The following MGAT4C variants were observed in gnomAD, a reference collection of about 807,000 sequenced individuals.
MGAT4C encodes MGAT4 family member C.
MGAT4C carries 19 observed loss-of-function variants against 40.1 expected under a neutral mutation model. The observed-to-expected ratio is 0.47, with a 90% CI of 0.33 to 0.70. The LOEUF (loss-of-function observed/expected upper bound fraction) is 0.70. Among genes scored for constraint, MGAT4C ranks in the 30% least tolerant of loss-of-function variants. The pLI is 0.02. For synonymous variants in MGAT4C, 181 were observed against 187.1 expected, an observed-to-expected ratio of 0.97 and a Z score of 0.27; for missense variants, 491 against 563.2, an observed-to-expected ratio of 0.87 and a Z score of 1.30.
At chr12:86,415,399 T>C (rs1956688486) in intron 3 of MGAT4C, among the ~76,000 whole-genome samples, 1 of 151,780 alleles carries the variant, frequency 6.6e-6, no homozygotes. Context: ...ATGGTACCTG[T>C]AAGAGGAGGG....
intron 3 of MGAT4C, among the ~76,000 whole-genome samples, chr12:86,405,227 G>T (rs552388053): frequency 2.6e-5 from 4 of 152,072 alleles, no homozygotes; most frequent in African/African-American, 9.6e-5. Context: ...CTTGAAGATG[G>T]CATGTTTATC....
chr12:86,119,161 GTAA>G (rs900839333), intron 1 of MGAT4C, among the ~76,000 whole-genome samples: 1 of 151,876 alleles, frequency 6.6e-6, no homozygotes, highest in Non-Finnish European at 1.5e-5. Flanking sequence ...TAAAAATTAA[GTAA>G]TAATTTTTAA....
intron 2 of MGAT4C, among the ~76,000 whole-genome samples, chr12:86,612,520 C>G (rs559808398): frequency 2.0e-5 from 3 of 151,996 alleles, no homozygotes; most frequent in Non-Finnish European, 4.4e-5. Flanking sequence ...GAGGCCAAGG[C>G]AAGCAGATCA....
chr12:86,601,587 C>T (rs2136460278), intron 2 of MGAT4C, among the ~76,000 whole-genome samples: 1 of 152,202 alleles, frequency 6.6e-6, no homozygotes, highest in Non-Finnish European at 1.5e-5. Flanking sequence ...CTCATTTTTC[C>T]TGAAGCAGGC....
At chr12:86,324,176 C>T (rs1344909186) in intron 4 of MGAT4C, among the ~76,000 whole-genome samples, 1 of 151,826 alleles carries the variant, frequency 6.6e-6, no homozygotes, top group Non-Finnish European at 1.5e-5. Context: ...ATTTCTTATT[C>T]TATGGTTATG....
At chr12:86,388,647 T>A (rs1297138781) in intron 3 of MGAT4C, among the ~76,000 whole-genome samples, 1 of 151,438 alleles carries the variant, frequency 6.6e-6, no homozygotes, top group Non-Finnish European at 1.5e-5. Context: ...TCAATGACAC[T>A]TGATCAATAA....
chr12:86,645,792 C>A (rs1160014236), intron 2 of MGAT4C, among the ~76,000 whole-genome samples: 3 of 151,610 alleles, frequency 2.0e-5, no homozygotes, highest in Non-Finnish European at 3.0e-5. Flanking sequence ...GTAACCACAC[C>A]AGGAAATTAA....
At chr12:86,457,370 G>A (rs1592870458) in intron 2 of MGAT4C, among the ~76,000 whole-genome samples, 1 of 151,840 alleles carries the variant, frequency 6.6e-6, no homozygotes, top group Non-Finnish European at 1.5e-5. Flanking sequence ...TATTTACCTA[G>A]TAAAAAATAC....
intron 4 of MGAT4C, among the ~76,000 whole-genome samples, chr12:86,324,023 ATTAGTT>A (rs1436656251): frequency 6.6e-6 from 1 of 151,984 alleles, no homozygotes; most frequent in Non-Finnish European, 1.5e-5. Context: ...TGAAACTTCA[ATTAGTT>A]TTATTTTTTC....
rs186929338 is a variant in MGAT4C, at chr12:86,070,113, G to A, written c.-56-20390C>T. Among the ~76,000 whole-genome samples the A allele has an allele frequency of 2.3e-4, 35 of 150,752 alleles. 1 individual carries two copies. The highest frequency in any genetic ancestry group is 2.1e-3 in the Admixed American group (32 of 15,126). On this transcript the variant is annotated intron_variant, in intron 1 of 4. Coordinates refer to ENST00000611864, the MANE Select transcript of MGAT4C (RefSeq NM_001351288.2). ...GATTTTTTTTTTTTTTGGAAATCTG[G>A]AAATCCCTTCTCCTAAATATTCCCA...
At position 86,711,036 on chromosome 12, in the gene MGAT4C, G is replaced by A. The variant is rs189270988; in HGVS notation, c.-229+16173C>T. On this transcript the variant is annotated intron_variant, in intron 2 of 7. Coordinates refer to the MGAT4C transcript ENST00000548651. The stretch of plus-strand genomic sequence containing the variant: ...TAATGGACTTCGAGGACTTAGATGC[G>A]GAAGGGTGGGAGGGGATTGAGGGAT... 2.3e-3 allele frequency among the ~76,000 whole-genome samples: 352 copies of A among 152,102 alleles called. 1 individual carries two copies. Among genetic ancestry groups the A allele is most frequent in the African/African-American group, 8.0e-3 (334 of 41,504 alleles).
intron 4 of MGAT4C, among the ~76,000 whole-genome samples, chr12:86,332,094 A>G (rs2136174190): frequency 6.6e-6 from 1 of 152,264 alleles, no homozygotes; most frequent in African/African-American, 2.4e-5. Flanking sequence ...CTACTTCATG[A>G]AATTATCTCA....
intron 4 of MGAT4C, among the ~76,000 whole-genome samples, chr12:86,307,122 T>C (rs957118336): frequency 6.6e-6 from 1 of 150,488 alleles, no homozygotes; most frequent in Admixed American, 6.6e-5. Flanking sequence ...TTCTTTAAAA[T>C]AGAGATACTC....
chr12:86,817,243 G>T (rs1008897219), intron 1 of MGAT4C, among the ~76,000 whole-genome samples: 1 of 150,760 alleles, frequency 6.6e-6, no homozygotes, highest in Non-Finnish European at 1.5e-5. Flanking sequence ...TTTAATTTAA[G>T]TTTACATTCA....
intron 1 of MGAT4C, among the ~76,000 whole-genome samples, chr12:86,209,754 A>T (rs1950387570): frequency 6.6e-6 from 1 of 152,160 alleles, no homozygotes; most frequent in African/African-American, 2.4e-5. Context: ...GCTTGGCACA[A>T]ATGAAAAGAA....
At chr12:86,706,113 T>C (rs1950451952) in intron 2 of MGAT4C, among the ~76,000 whole-genome samples, 1 of 152,148 alleles carries the variant, frequency 6.6e-6, no homozygotes, top group African/African-American at 2.4e-5. Flanking sequence ...AGAGGATTTG[T>C]ATGATGAAAA....
intron 2 of MGAT4C, among the ~76,000 whole-genome samples, chr12:85,993,798 G>A (rs972825231): frequency 8.5e-5 from 13 of 152,300 alleles, no homozygotes; most frequent in African/African-American, 2.9e-4. Context: ...GCCACCTTGT[G>A]GACCCGCAGA....
At chr12:86,740,619 A>G (rs1265731179) in intron 1 of MGAT4C, among the ~76,000 whole-genome samples, 1 of 151,194 alleles carries the variant, frequency 6.6e-6, no homozygotes, top group Non-Finnish European at 1.5e-5. Context: ...TAGAATGTCA[A>G]TGTATGTTTT....
chr12:86,073,828 C>T (rs574156890), intron 1 of MGAT4C, among the ~76,000 whole-genome samples: 20 of 152,176 alleles, frequency 1.3e-4, no homozygotes, highest in African/African-American at 2.6e-4. Context: ...GATAAGACTA[C>T]GGACTGTGGA....
Sources: gnomAD v4.1 joint callset for allele counts (sites outside exome capture counted in the v4.1 genomes callset) on GRCh38, gnomAD v4.1.1 for gene constraint, MANE v1.5 for transcripts, NCBI Gene and HGNC (gene_info 2026-07-23, HGNC 2026-07-21) for gene names.